Variants in IGF1R observed in about 807,000 individuals in gnomAD.
The protein encoded by IGF1R is insulin-like growth factor 1 receptor.
A neutral mutation model predicts 144.6 loss-of-function variants in IGF1R; 44 were observed. The ratio of observed to expected loss-of-function variants is 0.30; its 90% CI spans 0.24 to 0.39. The LOEUF (loss-of-function observed/expected upper bound fraction) is 0.39. Among genes scored for constraint, IGF1R ranks in the 10% least tolerant of loss-of-function variants. The probability of loss-of-function intolerance (pLI) is 1.00; values close to 1 mark genes in which losing one functional copy is unlikely to be tolerated. For missense variants in IGF1R, 1,355 were observed against 1,833.7 expected, an observed-to-expected ratio of 0.74 and a Z score of 4.77; for synonymous variants, 795 against 722.8, an observed-to-expected ratio of 1.10 and a Z score of -1.60.
At chr15:98,651,127 T>G in intron 1 of IGF1R, 2 of 934,988 alleles carry the variant, frequency 2.1e-6, no homozygotes, top group Non-Finnish European at 2.6e-6. Context: ...CGATTAACTT[T>G]GAAAAAATCA....
rs576153891 is a variant in IGF1R, at chr15:98,876,192, T to G, written c.641-15133T>G. 5.3e-5 allele frequency among the ~76,000 whole-genome samples: 8 copies of G among 152,240 alleles called. No individual in the cohort carries two copies. In the East Asian group the frequency reaches 1.5e-3, roughly 29 times the overall value. On this transcript the variant is annotated intron_variant, in intron 2 of 20. Coordinates refer to ENST00000650285, the MANE Select transcript of IGF1R (RefSeq NM_000875.5). ...AGCAGAAGGTTGCTGGAAGGCCATC[T>G]CCATTGGGCATTTACAGGTGAAATT...
intron 2 of IGF1R, among the ~76,000 whole-genome samples, chr15:98,751,714 T>C (rs985121250): frequency 3.3e-5 from 5 of 152,212 alleles, no homozygotes; most frequent in African/African-American, 1.2e-4. Context: ...TCTTGACCCA[T>C]ATGGCCAAGT....
intron 13 of IGF1R, among the ~76,000 whole-genome samples, chr15:98,925,913 GAAA>G (rs140952377): frequency 6.6e-6 from 1 of 151,032 alleles, no homozygotes; most frequent in East Asian, 1.9e-4. Context: ...AAGAAAAAAG[GAAA>G]AAAAACAAAA....
intron 2 of IGF1R, among the ~76,000 whole-genome samples, chr15:98,733,433 C>T (rs1229490467): frequency 6.6e-6 from 1 of 151,916 alleles, no homozygotes; most frequent in Non-Finnish European, 1.5e-5. Flanking sequence ...CCTCCCACCT[C>T]AGTCTCCCAA....
intron 1 of IGF1R, among the ~76,000 whole-genome samples, chr15:98,677,859 TGGGTTGGGCATGG>T (rs1266804144): frequency 1.3e-5 from 2 of 152,060 alleles, no homozygotes; most frequent in Non-Finnish European, 2.9e-5. Context: ...GTATGGCTAG[TGGGTTGGGCATGG>T]GGGTTGGGCC....
rs183093024 is a variant in IGF1R at position 98,714,378 on chromosome 15, T to A, written c.640+6271T>A. Among the ~76,000 whole-genome samples the A allele has an allele frequency of 5.4e-3, 829 of 152,274 alleles. 9 individuals carry two copies. The highest frequency in any genetic ancestry group is 0.019 in the African/African-American group (781 of 41,540). On this transcript the variant is annotated intron_variant, in intron 2 of 20. Coordinates refer to ENST00000650285, the MANE Select transcript of IGF1R (RefSeq NM_000875.5). ...TAAATTGAAGGCTGGGCGCAGTGGCTAACACCTGTAATCCTAGCATTTGGG... is the reference window on the plus strand; with the variant it reads ...TAAATTGAAGGCTGGGCGCAGTGGCAAACACCTGTAATCCTAGCATTTGGG...
At chr15:98,786,694 T>C (rs2056005566) in intron 2 of IGF1R, among the ~76,000 whole-genome samples, 1 of 152,340 alleles carries the variant, frequency 6.6e-6, no homozygotes, top group South Asian at 2.1e-4. Context: ...CAGGTTTGCA[T>C]GTACATTTTC....
In IGF1R at chr15:98,750,035, G is replaced by A. The variant is rs114388878; in HGVS notation, c.640+41928G>A. Among the ~76,000 whole-genome samples the A allele has an allele frequency of 5.4e-3, 818 of 152,264 alleles. 11 individuals are homozygous for A. Among genetic ancestry groups the A allele is most frequent in the African/African-American group, 0.019 (769 of 41,548 alleles). On this transcript the variant is annotated intron_variant, in intron 2 of 20. Transcript: ENST00000650285. ...CCTTTTCCTTACCTCTAAGGGATAT[G>A]AAGCTGTGAGAGGGAATTGCATATA...
chr15:98,666,082 A>G (rs1004742993), intron 1 of IGF1R, among the ~76,000 whole-genome samples: 2 of 152,218 alleles, frequency 1.3e-5, no homozygotes, highest in Non-Finnish European at 2.9e-5. Context: ...CTTTTGATTT[A>G]AAACTTACTA....
chr15:98,928,220 G>A (rs1182031463), intron 13 of IGF1R, among the ~76,000 whole-genome samples: 2 of 152,108 alleles, frequency 1.3e-5, no homozygotes, highest in African/African-American at 2.4e-5. Context: ...TACTGTATGA[G>A]CCTCATCCTG....
chr15:98,773,285 A>C (rs1488339660), intron 2 of IGF1R, among the ~76,000 whole-genome samples: 1 of 152,120 alleles, frequency 6.6e-6, no homozygotes, highest in African/African-American at 2.4e-5. Context: ...CCATTTTCCT[A>C]AAAGAGAAGT....
At position 98,922,347 on chromosome 15, in the gene IGF1R, A is replaced by G. The variant is rs750036855; in HGVS notation, c.2401A>G (p.Ile801Val). Reference sequence around the variant, plus strand: ...CCTTCGGCCTTTCACATTGTACCGCATCGATATCCACAGCTGCAACCACGA... The same window carrying G: ...CCTTCGGCCTTTCACATTGTACCGCGTCGATATCCACAGCTGCAACCACGA... ...SNLRPFTLYR[I>V]DIHSCNHEAE... The change falls in exon 11 of 21, where the codon ATC (isoleucine) becomes GTC (valine). Residue 801 changes from isoleucine (I) to valine (V), a missense_variant. This residue lies in a region of IGF1R where 880 missense variants were observed against 1,202.7 expected (regional missense o/e 0.73). Coordinates refer to ENST00000650285, the MANE Select transcript of IGF1R (RefSeq NM_000875.5). 2 of 1,614,220 alleles carry G rather than the reference A, an allele frequency of 1.2e-6. No individual in the cohort carries two copies. Among genetic ancestry groups the G allele is most frequent in the Non-Finnish European group, 1.7e-6 (2 of 1,180,032 alleles).
intron 20 of IGF1R, among the ~76,000 whole-genome samples, chr15:98,949,305 C>T (rs1366517812): frequency 6.6e-6 from 1 of 152,048 alleles, no homozygotes; most frequent in Non-Finnish European, 1.5e-5. Flanking sequence ...CCAATGTGGA[C>T]CTGGAGCGTG....
chr15:98,916,826 A>G lies in IGF1R; in HGVS notation c.2151A>G (p.Glu717=). 1.2e-6 allele frequency: 2 copies of G among 1,614,096 alleles called. No homozygotes were observed. The highest frequency in any genetic ancestry group is 1.7e-6 in the Non-Finnish European group (2 of 1,180,016). ...AEKQAEKEEA[E]YRKVFENFLH... The stretch of plus-strand genomic sequence containing the variant: ...AGCAGGCCGAGAAGGAGGAGGCTGA[A>G]TACCGCAAAGTCTTTGAGAATTTCC... Residue 717 remains glutamate (E), a synonymous_variant, in exon 10 of 21, where the codon GAA becomes GAG. Coordinates refer to ENST00000650285, the MANE Select transcript of IGF1R (RefSeq NM_000875.5).
At chr15:98,863,112 A>C (rs1346031524) in intron 2 of IGF1R, among the ~76,000 whole-genome samples, 1 of 152,180 alleles carries the variant, frequency 6.6e-6, no homozygotes. Flanking sequence ...TCATTCACGA[A>C]GTTCGCACTT....
intron 2 of IGF1R, among the ~76,000 whole-genome samples, chr15:98,725,424 CT>C (rs931690723): frequency 1.4e-4 from 21 of 152,124 alleles, no homozygotes; most frequent in Non-Finnish European, 2.9e-4. Context: ...CTCTCAGAAA[CT>C]TTTAGAAGAT....
At chr15:98,852,118 G>T (rs1023401082) in intron 2 of IGF1R, among the ~76,000 whole-genome samples, 1 of 152,228 alleles carries the variant, frequency 6.6e-6, no homozygotes, top group African/African-American at 2.4e-5. Context: ...AACCTAAGAC[G>T]AAGAAGAGGA....
chr15:98,836,806 GT>G (rs1361181732), intron 2 of IGF1R, among the ~76,000 whole-genome samples: 12 of 152,292 alleles, frequency 7.9e-5, no homozygotes, highest in African/African-American at 2.9e-4. Context: ...GTATGGACAG[GT>G]TGTTGCATAG....
intron 1 of IGF1R, among the ~76,000 whole-genome samples, chr15:98,697,501 C>A (rs1281705449): frequency 6.6e-6 from 1 of 152,046 alleles, no homozygotes; most frequent in East Asian, 1.9e-4. Context: ...TGGATGCAGT[C>A]CCACAGCCAC....
Sources: allele counts gnomAD v4.1 joint callset (sites outside exome capture counted in the v4.1 genomes callset), GRCh38; gene constraint gnomAD v4.1.1; regional missense constraint gnomAD v4.1.1; transcripts MANE v1.5; gene names NCBI Gene and HGNC (gene_info 2026-07-23, HGNC 2026-07-21).